Variants in EXOC4 observed in about 807,000 individuals in gnomAD.
EXOC4 encodes the protein exocyst complex component 4.
In EXOC4, 71 loss-of-function variants were observed where a neutral mutation model predicts 107.2. The observed-to-expected ratio is 0.66, with a 90% confidence interval of 0.55 to 0.81. The LOEUF is 0.81. Among genes scored for constraint, EXOC4 ranks in the 30% least tolerant of loss-of-function variants. EXOC4 has a pLI of 0.00. For synonymous variants in EXOC4, 456 were observed against 441.2 expected, an observed-to-expected ratio of 1.03 and a Z score of -0.42; for missense variants, 1,108 against 1,189.6, an observed-to-expected ratio of 0.93 and a Z score of 1.01.
intron 10 of EXOC4, among the ~76,000 whole-genome samples, chr7:133,693,992 G>A (rs895431715): frequency 9.9e-5 from 15 of 152,272 alleles, no homozygotes; most frequent in African/African-American, 2.4e-4. Context: ...CTGGCTGGGT[G>A]TGGTGGCTCA....
intron 9 of EXOC4, among the ~76,000 whole-genome samples, chr7:133,485,579 TA>T (rs1345849283): frequency 6.6e-6 from 1 of 152,136 alleles, no homozygotes; most frequent in East Asian, 1.9e-4. Flanking sequence ...TCACAATATT[TA>T]AAAAAATTTT....
chr7:133,418,543 C>T (rs1797530421), intron 7 of EXOC4, among the ~76,000 whole-genome samples: 1 of 152,108 alleles, frequency 6.6e-6, no homozygotes, highest in Non-Finnish European at 1.5e-5. Flanking sequence ...AAAAATGGGT[C>T]AGTGCATTGA....
intron 7 of EXOC4, among the ~76,000 whole-genome samples, chr7:133,420,006 C>T (rs1196332539): frequency 6.2e-5 from 9 of 144,508 alleles, no homozygotes; most frequent in Non-Finnish European, 1.2e-4. Flanking sequence ...TTTTAGGGTA[C>T]ATGTGCACAT....
At chr7:133,253,226 A>C in intron 1 of EXOC4, 39 bp downstream of exon 1, 1 of 1,601,106 alleles carries the variant, frequency 6.2e-7, no homozygotes, top group Non-Finnish European at 8.5e-7. Context: ...GACTGGGGGC[A>C]GCGGCTCGAC....
chr7:133,755,803 C>T (rs1348618118), intron 10 of EXOC4, among the ~76,000 whole-genome samples: 1 of 152,150 alleles, frequency 6.6e-6, no homozygotes, highest in Non-Finnish European at 1.5e-5. Flanking sequence ...TAAACCATTT[C>T]CAAGATATTC....
intron 11 of EXOC4, among the ~76,000 whole-genome samples, chr7:133,824,673 C>T (rs1333619105): frequency 1.3e-5 from 2 of 152,172 alleles, no homozygotes; most frequent in Admixed American, 1.3e-4. Flanking sequence ...GAGCCACATT[C>T]CCTCCAAAGC....
At chr7:133,950,914 C>A (rs1268001081) in intron 14 of EXOC4, among the ~76,000 whole-genome samples, 1 of 152,160 alleles carries the variant, frequency 6.6e-6, no homozygotes, top group Non-Finnish European at 1.5e-5. Flanking sequence ...TACCACAAGT[C>A]CAATTAACGC....
intron 10 of EXOC4, among the ~76,000 whole-genome samples, chr7:133,649,680 C>CA (rs988402728): frequency 2.5e-4 from 38 of 152,004 alleles, no homozygotes; most frequent in Non-Finnish European, 7.4e-5. Flanking sequence ...GGGTTCAAGG[C>CA]CATGCTTTGC....
chr7:133,898,850 T>A (rs13312097), intron 12 of EXOC4, among the ~76,000 whole-genome samples: 1 of 148,556 alleles, frequency 6.7e-6, no homozygotes, highest in Admixed American at 6.7e-5. Flanking sequence ...TGGTGGTGTA[T>A]GCCTATAATC....
At chr7:133,678,073 G>A (rs902591722) in intron 10 of EXOC4, among the ~76,000 whole-genome samples, 3 of 151,936 alleles carry the variant, frequency 2.0e-5, no homozygotes, top group African/African-American at 4.8e-5. Flanking sequence ...AAATTATATC[G>A]CAGTAAAGCT....
chr7:133,823,866 TATATATTATATATA>T (rs1563014771), intron 11 of EXOC4, among the ~76,000 whole-genome samples: 1 of 21,226 alleles, frequency 4.7e-5, no homozygotes, highest in Non-Finnish European at 7.4e-5. Flanking sequence ...TATATATATA[TATATATTATATATA>T]TATATATATA....
Position 134,038,486 on chromosome 7 carries a change from T to C in EXOC4, c.2688-25805T>C, listed in dbSNP as rs547481006. On this transcript the variant is annotated intron_variant, in intron 17 of 17. Transcript: ENST00000253861. ...GGACTCTCGTTTCTTTTATATATCC[T>C]TTAATTGCCTTAGACTGCTGAGCTT... is the stretch of plus-strand genomic sequence containing the variant. Among the ~76,000 whole-genome samples the C allele has an allele frequency of 2.6e-5, 4 of 152,312 alleles. No homozygotes were observed. In the East Asian group the frequency reaches 7.7e-4, roughly 29 times the overall value.
intron 10 of EXOC4, among the ~76,000 whole-genome samples, chr7:133,782,374 T>G (rs528939004): frequency 2.6e-5 from 4 of 152,302 alleles, no homozygotes; most frequent in African/African-American, 9.6e-5. Flanking sequence ...TTATTTCACA[T>G]CACACAAATG....
At chr7:133,499,683 T>G (rs1398361643) in intron 9 of EXOC4, among the ~76,000 whole-genome samples, 2 of 152,130 alleles carry the variant, frequency 1.3e-5, no homozygotes, top group African/African-American at 4.8e-5. Context: ...TGGGGGTGGT[T>G]GGATCACGGG....
chr7:133,300,655 T>G, intron 3 of EXOC4, among the ~76,000 whole-genome samples: 1 of 152,194 alleles, frequency 6.6e-6, no homozygotes, highest in Non-Finnish European at 1.5e-5. Context: ...TTGTGGTATA[T>G]TCTACTAGTA....
chr7:133,961,548 C>T (rs1474016542), intron 14 of EXOC4, among the ~76,000 whole-genome samples: 5 of 152,110 alleles, frequency 3.3e-5, no homozygotes, highest in Non-Finnish European at 7.4e-5. Context: ...GCCTTGGTCT[C>T]CCAAAGTGCT....
chr7:133,468,466 G>A (rs1304303953), intron 7 of EXOC4, among the ~76,000 whole-genome samples: 1 of 152,024 alleles, frequency 6.6e-6, no homozygotes, highest in African/African-American at 2.4e-5. Context: ...AGGAAAACTC[G>A]ATAAGTTTTT....
chr7:133,937,968 G>T lies in EXOC4; in HGVS notation c.2105G>T (p.Arg702Leu). The part of the protein sequence containing the change: ...DKLIPPQDIL[R>L]DVSDLKALAN... ...TTAATCCCTCCACAAGACATCCTTC[G>T]TGACGTCAGTGACCTCAAAGCCTTG... The change falls in exon 14 of 18, where the codon CGT becomes CTT. Residue 702 changes from arginine to leucine, a missense_variant. By Grantham distance (102) the Arg-to-Leu change is moderately radical (BLOSUM62 -2). Transcript: ENST00000253861. 6.2e-7 allele frequency: 1 copy of T among 1,614,074 alleles called. No individual in the cohort carries two copies. Among genetic ancestry groups the T allele is most frequent in the Non-Finnish European group, 8.5e-7 (1 of 1,179,996 alleles).
At chr7:133,286,900 C>A (rs1341245041) in intron 2 of EXOC4, among the ~76,000 whole-genome samples, 1 of 152,176 alleles carries the variant, frequency 6.6e-6, no homozygotes, top group Non-Finnish European at 1.5e-5. Flanking sequence ...TCAGTTGCTC[C>A]CAATTTGGCC....
Sources: gnomAD v4.1 joint callset for allele counts (sites outside exome capture counted in the v4.1 genomes callset) on GRCh38, gnomAD v4.1.1 for gene constraint, MANE v1.5 for transcripts, NCBI Gene and HGNC (gene_info 2026-07-23, HGNC 2026-07-21) for gene names.